MTA3: variants seen among roughly 807,000 people sequenced by gnomAD.
MTA3 encodes the protein metastasis associated 1 family member 3.
Under a neutral mutation model 83.5 loss-of-function variants are expected in MTA3, and 34 were observed. The observed-to-expected ratio is 0.41, with a 90% CI of 0.31 to 0.54. MTA3 has a LOEUF of 0.54. Among genes scored for constraint, MTA3 ranks in the 20% least tolerant of loss-of-function variants. The pLI is 0.33. For synonymous variants in MTA3, 303 were observed against 252.7 expected, an observed-to-expected ratio of 1.20 and a Z score of -1.89; for missense variants, 761 against 726.4, an observed-to-expected ratio of 1.05 and a Z score of -0.55.
intron 2 of MTA3, among the ~76,000 whole-genome samples, chr2:42,515,919 C>CTT (rs1675126250): frequency 6.6e-6 from 1 of 150,976 alleles, no homozygotes; most frequent in African/African-American, 2.4e-5. Context: ...CGGCTCACTG[C>CTT]CAGCTCTGCC....
intron 6 of MTA3, among the ~76,000 whole-genome samples, chr2:42,646,014 A>G (rs1390111053): frequency 2.0e-5 from 3 of 152,184 alleles, no homozygotes; most frequent in East Asian, 1.9e-4. Flanking sequence ...CTTGAAGCCA[A>G]TCCTCGTTTA....
intron 2 of MTA3, among the ~76,000 whole-genome samples, chr2:42,540,545 C>T (rs772088746): frequency 6.6e-5 from 10 of 152,032 alleles, no homozygotes; most frequent in Non-Finnish European, 1.0e-4. Flanking sequence ...CATTAATATT[C>T]TTTCCCCAGC....
chr2:42,662,888 C>T (rs1206566942), intron 8 of MTA3, among the ~76,000 whole-genome samples: 3 of 151,990 alleles, frequency 2.0e-5, no homozygotes, highest in African/African-American at 7.2e-5. Context: ...CACGTCACCA[C>T]ACCTAGCTAA....
chr2:42,544,226 T>G (rs1315908372), intron 2 of MTA3, among the ~76,000 whole-genome samples: 1 of 152,028 alleles, frequency 6.6e-6, no homozygotes, highest in Non-Finnish European at 1.5e-5. Flanking sequence ...AGCAGGCAGA[T>G]CACAAGGTCA....
At chr2:42,680,264 C>T (rs973687407) in intron 8 of MTA3, 2 of 152,254 alleles carry the variant, frequency 1.3e-5, no homozygotes, top group Admixed American at 6.5e-5. Context: ...TAAGCACCTC[C>T]AGAATTGCTT....
At chr2:42,662,754 CAG>C (rs1355863610) in intron 8 of MTA3, among the ~76,000 whole-genome samples, 3 of 140,094 alleles carry the variant, frequency 2.1e-5, no homozygotes, top group Non-Finnish European at 3.0e-5. Flanking sequence ...TTTTTTGAGA[CAG>C]AGTCTCGCCC....
chr2:42,721,846 G>C (rs1470497614), intron 15 of MTA3, among the ~76,000 whole-genome samples: 2 of 152,154 alleles, frequency 1.3e-5, no homozygotes, highest in Non-Finnish European at 2.9e-5. Context: ...CATAGACTGT[G>C]GAGGTTAAAT....
intron 16 of MTA3, among the ~76,000 whole-genome samples, chr2:42,745,586 A>G (rs557409782): frequency 2.0e-5 from 3 of 152,018 alleles, no homozygotes; most frequent in Admixed American, 6.6e-5. Context: ...GGGTCTTGCT[A>G]TGTTGCTCAA....
chr2:42,579,276 C>G (rs983346969), intron 3 of MTA3, 76 bp downstream of exon 3: 11 of 1,065,750 alleles, frequency 1.0e-5, no homozygotes, highest in African/African-American at 1.6e-5. Context: ...CATGCTTTTT[C>G]TTACCTGAAG....
At chr2:42,595,105 C>CTT (rs1681624717) in intron 3 of MTA3, among the ~76,000 whole-genome samples, 2 of 38,906 alleles carry the variant, frequency 5.1e-5, no homozygotes, top group African/African-American at 1.3e-4. Flanking sequence ...ACAGGAGCTT[C>CTT]ATTTTTTTTT....
intron 2 of MTA3, among the ~76,000 whole-genome samples, chr2:42,540,659 A>T (rs1440574853): frequency 6.6e-6 from 1 of 151,558 alleles, no homozygotes. Context: ...ACATAGTAAG[A>T]CCTTGTCTCT....
At chr2:42,542,308 G>C (rs879668665) in intron 2 of MTA3, among the ~76,000 whole-genome samples, 1 of 152,132 alleles carries the variant, frequency 6.6e-6, no homozygotes, top group Non-Finnish European at 1.5e-5. Context: ...GACAATGCAA[G>C]TCGTGGGCTT....
intron 3 of MTA3, among the ~76,000 whole-genome samples, chr2:42,590,223 G>T (rs771855128): frequency 6.6e-6 from 1 of 152,094 alleles, no homozygotes; most frequent in Admixed American, 6.6e-5. Context: ...TTGATCCCTG[G>T]TGTTGGAGGT....
chr2:42,616,572 CTTTTTTTTTTTT>C (rs70963338), intron 4 of MTA3, among the ~76,000 whole-genome samples: 9 of 56,212 alleles, frequency 1.6e-4, no homozygotes, highest in African/African-American at 5.2e-4. Flanking sequence ...TCTTCTTCTT[CTTTTTTTTTTTT>C]TTTTTTTTTT....
chr2:42,686,090 A>C (rs1003401859), intron 9 of MTA3, among the ~76,000 whole-genome samples: 13 of 152,152 alleles, frequency 8.5e-5, no homozygotes, highest in African/African-American at 3.1e-4. Context: ...ACTGTGTCAT[A>C]ATGGTGAGTT....
chr2:42,568,477 C>T (rs1363998553), upstream of MTA3: 8 of 156,958 alleles, frequency 5.1e-5, no homozygotes, highest in African/African-American at 1.7e-4. Flanking sequence ...TCCCGCTGGC[C>T]CCGCAGCGCT....
intron 15 of MTA3, 78 bp downstream of exon 15, chr2:42,719,152 A>G (rs1289474333): frequency 1.9e-6 from 2 of 1,041,734 alleles, no homozygotes; most frequent in Non-Finnish European, 1.5e-6. Flanking sequence ...CTAAATGGAC[A>G]TACCTAAACT....
chr2:42,574,409 A>C (rs1573018794), intron 2 of MTA3, among the ~76,000 whole-genome samples: 2 of 151,676 alleles, frequency 1.3e-5, no homozygotes, highest in East Asian at 3.9e-4. Context: ...TACAGGCGTG[A>C]GCCACCATGC....
At chr2:42,645,892 CA>C (rs1688135045) in intron 6 of MTA3, among the ~76,000 whole-genome samples, 1 of 152,184 alleles carries the variant, frequency 6.6e-6, no homozygotes. Flanking sequence ...AACAGAGTTT[CA>C]ATGTAGATAA....
Sources: gnomAD v4.1 joint callset for allele counts (sites outside exome capture counted in the v4.1 genomes callset) on GRCh38, gnomAD v4.1.1 for gene constraint, MANE v1.5 for transcripts, NCBI Gene and HGNC (gene_info 2026-07-23, HGNC 2026-07-21) for gene names.